The following ABCC1 variants were observed in gnomAD, a reference collection of about 807,000 sequenced individuals.
ABCC1 encodes the protein multidrug resistance-associated protein 1.
Under a neutral mutation model 172.9 loss-of-function variants are expected in ABCC1, and 83 were observed. The observed-to-expected ratio is 0.48, with a 90% CI of 0.40 to 0.58. The LOEUF (loss-of-function observed/expected upper bound fraction) is 0.58. Among genes scored for constraint, ABCC1 ranks in the 20% least tolerant of loss-of-function variants. The pLI, the probability that ABCC1 is intolerant of heterozygous loss-of-function variation, is 0.00. For missense variants in ABCC1, 1,817 were observed against 2,002.7 expected, an observed-to-expected ratio of 0.91 and a Z score of 1.77; for synonymous variants, 937 against 825.2, an observed-to-expected ratio of 1.14 and a Z score of -2.32.
At chr16:16,078,942 G>A (rs1381848840) in intron 15 of ABCC1, among the ~76,000 whole-genome samples, 3 of 152,206 alleles carry the variant, frequency 2.0e-5, no homozygotes, top group Non-Finnish European at 2.9e-5. Flanking sequence ...CTCCCAAAGT[G>A]CTGGGATTAC....
intron 1 of ABCC1, among the ~76,000 whole-genome samples, chr16:15,990,727 G>A (rs1274608987): frequency 6.6e-6 from 1 of 151,580 alleles, no homozygotes; most frequent in Non-Finnish European, 1.5e-5. Context: ...TCGGCTCACT[G>A]CAAGCTCCGC....
chr16:16,021,316 A>ATT (rs34479623), intron 5 of ABCC1, among the ~76,000 whole-genome samples: 2 of 147,226 alleles, frequency 1.4e-5, no homozygotes, highest in African/African-American at 5.0e-5. Context: ...CAAGAGCCTT[A>ATT]TTTTTTTTTT....
At chr16:16,049,422 A>C (rs187389677) in intron 10 of ABCC1, among the ~76,000 whole-genome samples, 46 of 152,224 alleles carry the variant, frequency 3.0e-4, no homozygotes, top group African/African-American at 1.1e-3. Context: ...GGAGAGGGAG[A>C]GTTCCCAAAA....
intron 27 of ABCC1, 135 bp downstream of exon 27, chr16:16,132,070 C>T (rs1053401060): frequency 9.6e-5 from 109 of 1,138,342 alleles, no homozygotes; most frequent in Middle Eastern, 6.8e-4. Context: ...TTTTGGGGGG[C>T]TGGGAGTGGA....
At chr16:16,100,041 G>A (rs2051655742) in intron 19 of ABCC1, among the ~76,000 whole-genome samples, 1 of 152,092 alleles carries the variant, frequency 6.6e-6, no homozygotes, top group African/African-American at 2.4e-5. Context: ...AGCCAAGATG[G>A]CACCAGTGCA....
At chr16:16,035,604 C>T (rs533035934) in intron 6 of ABCC1, among the ~76,000 whole-genome samples, 23 of 151,818 alleles carry the variant, frequency 1.5e-4, no homozygotes, top group African/African-American at 5.6e-4. Context: ...AATCCTGCCA[C>T]CTCAGCCTCC....
At chr16:16,034,738 C>T (rs1050108355) in intron 6 of ABCC1, among the ~76,000 whole-genome samples, 1 of 151,898 alleles carries the variant, frequency 6.6e-6, no homozygotes, top group Non-Finnish European at 1.5e-5. Flanking sequence ...CAGGGACCTG[C>T]CACCACATCC....
intron 5 of ABCC1, among the ~76,000 whole-genome samples, chr16:16,032,872 T>G (rs1408453558): frequency 6.6e-6 from 1 of 152,154 alleles, no homozygotes; most frequent in African/African-American, 2.4e-5. Context: ...TATAGCATGT[T>G]GTATTGTGGT....
At chr16:16,048,435 T>C in intron 10 of ABCC1, 132 bp downstream of exon 10, 1 of 1,103,448 alleles carries the variant, frequency 9.1e-7, no homozygotes. Context: ...GTTCATATTT[T>C]ATTTTCCAGC....
Position 16,141,522 on chromosome 16 carries a change from CT to C in ABCC1, c.*242del, listed in dbSNP as rs2046125483. On this transcript the variant is annotated 3_prime_UTR_variant, in exon 31 of 31. Coordinates refer to ENST00000399410, the MANE Select transcript of ABCC1 (RefSeq NM_004996.4). ...CACCCAAAACACGCACACCCTGCCC[CT>C]GGTGCCCTGAGACAGACACACAGCC... is the stretch of plus-strand genomic sequence containing the variant. 3 of 512,970 alleles carry C rather than the reference CT, an allele frequency of 5.8e-6. No individual in the cohort carries two copies. Among genetic ancestry groups the C allele is most frequent in the Non-Finnish European group, 7.0e-6 (2 of 286,990 alleles). 31.8% of individuals were successfully genotyped at this position (512,970 alleles called of 1,614,324 possible). A position where few individuals can be genotyped will look rare whatever the true frequency, so the allele number is the denominator to read the frequency against.
At chr16:16,038,990 G>A (rs949908865) in intron 7 of ABCC1, among the ~76,000 whole-genome samples, 3 of 152,176 alleles carry the variant, frequency 2.0e-5, no homozygotes, top group Admixed American at 2.0e-4. Flanking sequence ...CCACTGAGCA[G>A]ATGAAACTGA....
At chr16:16,128,006 C>T (rs1435994662) in intron 26 of ABCC1, among the ~76,000 whole-genome samples, 1 of 150,868 alleles carries the variant, frequency 6.6e-6, no homozygotes, top group Non-Finnish European at 1.5e-5. Context: ...CTGCAACCTC[C>T]ACCTCCTGGG....
intron 18 of ABCC1, 32 bp from the exon 19 acceptor site, chr16:16,090,372 AC>A (rs1567391875): frequency 1.9e-6 from 3 of 1,547,610 alleles, no homozygotes; most frequent in African/African-American, 1.4e-5. Flanking sequence ...ACACATGTGC[AC>A]TCACGTGGCC....
chr16:16,108,962 T>C (rs1265090364), intron 21 of ABCC1, among the ~76,000 whole-genome samples: 4 of 151,824 alleles, frequency 2.6e-5, no homozygotes, highest in African/African-American at 7.3e-5. Flanking sequence ...TCCTGAACGC[T>C]GCAGGCTAAT....
chr16:15,971,212 A>G (rs1320772600), intron 1 of ABCC1, among the ~76,000 whole-genome samples: 7 of 152,160 alleles, frequency 4.6e-5, no homozygotes, highest in Admixed American at 4.6e-4. Context: ...TGGTTTGACT[A>G]GGCATGTCTT....
At chr16:16,139,973 C>T (rs528219218) in intron 30 of ABCC1, among the ~76,000 whole-genome samples, 14 of 152,218 alleles carry the variant, frequency 9.2e-5, no homozygotes, top group Non-Finnish European at 1.9e-4. Flanking sequence ...CGTGTGAAAG[C>T]AGTCATAGAT....
chr16:15,956,589 G>A (rs971650617), intron 1 of ABCC1, among the ~76,000 whole-genome samples: 1 of 152,010 alleles, frequency 6.6e-6, no homozygotes, highest in Non-Finnish European at 1.5e-5. Context: ...CACCTGCCTC[G>A]GCCTCCTAAA....
At chr16:16,115,216 T>G in intron 23 of ABCC1, 140 bp downstream of exon 23, 33 of 931,822 alleles carry the variant, frequency 3.5e-5, no homozygotes, top group Non-Finnish European at 4.4e-5. Context: ...CAGTTTCGAA[T>G]ACCTAAATTG....
chr16:16,132,040 A>G, intron 27 of ABCC1, 105 bp downstream of exon 27: 1 of 1,420,646 alleles, frequency 7.0e-7, no homozygotes, highest in Non-Finnish European at 9.6e-7. Context: ...TCACGGCTCC[A>G]CACCTTTGCT....
Sources: allele counts gnomAD v4.1 joint callset (sites outside exome capture counted in the v4.1 genomes callset), GRCh38; gene constraint gnomAD v4.1.1; transcripts MANE v1.5; gene names NCBI Gene and HGNC (gene_info 2026-07-23, HGNC 2026-07-21).